HOATZ: variants seen among roughly 807,000 people sequenced by gnomAD.
HOATZ encodes HOATZ cilia and flagella associated protein.
A neutral mutation model predicts 24.9 loss-of-function variants in HOATZ; 26 were observed. That is an observed-to-expected ratio of 1.04 (90% confidence interval 0.76 to 1.45). The LOEUF is 1.45. Among genes scored for constraint, HOATZ ranks in the 40% most tolerant of loss-of-function variants. The probability of loss-of-function intolerance (pLI) is 0.00; values close to 1 mark genes in which losing one functional copy is unlikely to be tolerated. For missense variants in HOATZ, 226 were observed against 201.5 expected, an observed-to-expected ratio of 1.12 and a Z score of -0.74; for synonymous variants, 83 against 76.6, an observed-to-expected ratio of 1.08 and a Z score of -0.43.
intron 4 of HOATZ, 44 bp from the exon 5 acceptor site, chr11:111,534,368 A>C: frequency 7.1e-7 from 1 of 1,412,018 alleles, no homozygotes; most frequent in Non-Finnish European, 1.0e-6. Context: ...TCAGTGCAAG[A>C]AGTAAAATTT....
chr11:111,514,918 C>T lies in HOATZ; in HGVS notation c.134C>T (p.Ser45Leu), dbSNP rs1157977884. The stretch of plus-strand genomic sequence containing the variant: ...GCTAAGCAGTTCTGGATCTCGGCGT[C>T]GATGTATCCCCCTAGCGAATCTCAG... ...NLAKQFWISA[S>L]MYPPSESQLV... Residue 45 changes from serine to leucine, a missense_variant, in exon 1 of 6, where the codon TCG (serine) becomes TTG (leucine). Ser to Leu is a moderately radical substitution (Grantham distance 145). Transcript: ENST00000375618. The T allele has an allele frequency of 2.5e-6, 4 of 1,613,928 alleles. No homozygotes were observed.
intron 1 of HOATZ, 140 bp downstream of exon 1, chr11:111,515,150 C>T: frequency 1.6e-6 from 1 of 641,160 alleles, no homozygotes; most frequent in Non-Finnish European, 2.7e-6. Context: ...ATAAATATTT[C>T]CTGAACCCTT....
chr11:111,520,082 A>G (rs1443144436), intron 3 of HOATZ, among the ~76,000 whole-genome samples: 1 of 152,230 alleles, frequency 6.6e-6, no homozygotes, highest in Non-Finnish European at 1.5e-5. Context: ...TGTCAAGATT[A>G]AATGGCTTGC....
chr11:111,518,122 C>T (rs983777898), intron 3 of HOATZ, among the ~76,000 whole-genome samples: 1 of 152,154 alleles, frequency 6.6e-6, no homozygotes, highest in African/African-American at 2.4e-5. Context: ...TTTTGTTATA[C>T]CTAAACATGC....
intron 5 of HOATZ, chr11:111,535,822 C>G (rs1261314696): frequency 6.6e-6 from 1 of 152,218 alleles, no homozygotes; most frequent in Non-Finnish European, 1.5e-5. Context: ...CCATGCCCAG[C>G]TAATTTTTGT....
chr11:111,523,414 A>G (rs1256448673), intron 3 of HOATZ, among the ~76,000 whole-genome samples: 3 of 152,132 alleles, frequency 2.0e-5, no homozygotes, highest in African/African-American at 7.2e-5. Context: ...TTAAACAGAA[A>G]CACACATAAA....
At position 111,531,530 on chromosome 11, in the gene HOATZ, A is replaced by G. The variant is rs573585956; in HGVS notation, c.340-2216A>G. On this transcript the variant is annotated intron_variant, in intron 3 of 5. Coordinates refer to ENST00000375618, the MANE Select transcript of HOATZ (RefSeq NM_001100388.2). Reference sequence around the variant, plus strand: ...AATACATGTGTAATGGAAAAGTTGGAAAAGAAACTAACATTGAATACCTGC... The same window carrying G: ...AATACATGTGTAATGGAAAAGTTGGGAAAGAAACTAACATTGAATACCTGC... Among the ~76,000 whole-genome samples, 11 of 152,360 alleles carry G rather than the reference A, an allele frequency of 7.2e-5. 1 individual carries two copies. The South Asian group carries it at 1.4e-3, about 20-fold the overall frequency.
intron 3 of HOATZ, among the ~76,000 whole-genome samples, chr11:111,528,667 T>C (rs1158176336): frequency 6.6e-6 from 1 of 152,242 alleles, no homozygotes; most frequent in Non-Finnish European, 1.5e-5. Flanking sequence ...TAGCTCCACC[T>C]GCTGTATTCT....
chr11:111,516,583 G>T (rs941038780), intron 3 of HOATZ, among the ~76,000 whole-genome samples: 1 of 152,032 alleles, frequency 6.6e-6, no homozygotes, highest in African/African-American at 2.4e-5. Context: ...CAGGCCTGCT[G>T]GTGCATACCT....
At chr11:111,524,671 T>A (rs1867313301) in intron 3 of HOATZ, among the ~76,000 whole-genome samples, 1 of 152,196 alleles carries the variant, frequency 6.6e-6, no homozygotes, top group South Asian at 2.1e-4. Flanking sequence ...GTGTCATTCC[T>A]TACTGCCATA....
chr11:111,533,240 G>A (rs1249778572), intron 3 of HOATZ, among the ~76,000 whole-genome samples: 4 of 152,192 alleles, frequency 2.6e-5, no homozygotes, highest in Non-Finnish European at 5.9e-5. Context: ...TTGCTAAATG[G>A]AGCTAGGATC....
At chr11:111,535,998 T>A (rs1282011349) in intron 5 of HOATZ, 1 of 152,248 alleles carries the variant, frequency 6.6e-6, no homozygotes, top group Non-Finnish European at 1.5e-5. Flanking sequence ...AATCATGCAT[T>A]ACTCTGTGCC....
At chr11:111,516,519 G>A (rs1407846661) in intron 3 of HOATZ, among the ~76,000 whole-genome samples, 1 of 151,778 alleles carries the variant, frequency 6.6e-6, no homozygotes, top group Non-Finnish European at 1.5e-5. Flanking sequence ...GACCAGCCTG[G>A]GCTACATAGT....
intron 3 of HOATZ, among the ~76,000 whole-genome samples, chr11:111,517,401 A>C (rs1450413326): frequency 6.6e-6 from 1 of 152,238 alleles, no homozygotes; most frequent in Non-Finnish European, 1.5e-5. Context: ...AATTTCTATC[A>C]GCTTTTGTCA....
chr11:111,535,189 A>C (rs1867437716), intron 5 of HOATZ: 2 of 152,228 alleles, frequency 1.3e-5, no homozygotes, highest in Non-Finnish European at 2.9e-5. Flanking sequence ...TGTCAAAGTA[A>C]CACCCTTAAG....
At chr11:111,517,196 G>T (rs1411577459) in intron 3 of HOATZ, among the ~76,000 whole-genome samples, 1 of 152,084 alleles carries the variant, frequency 6.6e-6, no homozygotes, top group Non-Finnish European at 1.5e-5. Flanking sequence ...ATTAGAAATA[G>T]CCAGCATTTT....
At chr11:111,523,230 G>C (rs561902530) in intron 3 of HOATZ, among the ~76,000 whole-genome samples, 21 of 84,226 alleles carry the variant, frequency 2.5e-4, no homozygotes, top group African/African-American at 1.1e-3. Context: ...TTTTTTTTTG[G>C]TGACTTTGCT....
intron 5 of HOATZ, 46 bp downstream of exon 5, chr11:111,534,510 T>C (rs140802590): frequency 7.2e-7 from 1 of 1,397,578 alleles, no homozygotes; most frequent in African/African-American, 1.4e-5. Context: ...TTCAACTTAC[T>C]GTGTAGGGAA....
At chr11:111,527,236 C>T (rs1330247250) in intron 3 of HOATZ, among the ~76,000 whole-genome samples, 1 of 152,080 alleles carries the variant, frequency 6.6e-6, no homozygotes, top group Non-Finnish European at 1.5e-5. Context: ...ATATATGTAA[C>T]AGAACCAAGA....
Sources: allele counts gnomAD v4.1 joint callset (sites outside exome capture counted in the v4.1 genomes callset), GRCh38; gene constraint gnomAD v4.1.1; transcripts MANE v1.5; gene names NCBI Gene and HGNC (gene_info 2026-07-23, HGNC 2026-07-21).